The following SERINC2 variants were observed in gnomAD, a reference collection of about 807,000 sequenced individuals.
SERINC2 encodes the protein serine incorporator 2.
Under a neutral mutation model 54.2 loss-of-function variants are expected in SERINC2, and 56 were observed. The observed-to-expected ratio is 1.03, with a 90% CI of 0.83 to 1.29. SERINC2 has a LOEUF of 1.29. Ranked by LOEUF, SERINC2 falls within the 50% of genes most tolerant of loss-of-function variation. The pLI, the probability that SERINC2 is intolerant of heterozygous loss-of-function variation, is 0.00. For synonymous variants in SERINC2, 272 were observed against 253.1 expected (o/e 1.07, Z -0.71); for missense variants, 614 against 607.4 (o/e 1.01, Z -0.12).
In SERINC2 at chr1:31,434,082, G is replaced by A. The variant is rs889884807; in HGVS notation, c.1251G>A (p.Lys417=). 1 of 1,614,026 alleles carries A rather than the reference G, an allele frequency of 6.2e-7. No homozygotes were observed. The highest frequency in any genetic ancestry group is 8.5e-7 in the Non-Finnish European group (1 of 1,179,970). The change falls in exon 10 of 10, where the codon AAG becomes AAA. Residue 417 remains lysine (K), a synonymous_variant. Coordinates refer to ENST00000373709, the MANE Select transcript of SERINC2 (RefSeq NM_178865.5). The part of the protein sequence containing the change: ...TNWYKPGETR[K]MISTWTAVWV... ...GTTCCAGGCCCGGTGAGACCCGGAA[G>A]ATGATCAGCACGTGGACCGCCGTGT...
chr1:31,432,120 TAGGGTGGATAGGGTGGAC>T (rs1641291648), intron 8 of SERINC2, among the ~76,000 whole-genome samples: 13 of 13,242 alleles, frequency 9.8e-4, no homozygotes, highest in East Asian at 4.2e-3. Context: ...ATAGGGTGGT[TAGGGTGGATAGGGTGGAC>T]AGGGTGGACA....
intron 8 of SERINC2, among the ~76,000 whole-genome samples, 161 bp from the exon 9 acceptor site, chr1:31,432,806 T>C (rs1209272852): frequency 6.6e-6 from 1 of 151,904 alleles, no homozygotes; most frequent in Non-Finnish European, 1.5e-5. Context: ...ACACAGAAAA[T>C]GGGAGTGGGG....
At chr1:31,416,328 A>G (rs373029668) in intron 1 of SERINC2, among the ~76,000 whole-genome samples, 15 of 152,328 alleles carry the variant, frequency 9.8e-5, no homozygotes, top group South Asian at 4.1e-4. Flanking sequence ...CTGCCTAACT[A>G]TAGAGCCTGG....
intron 1 of SERINC2, among the ~76,000 whole-genome samples, chr1:31,415,476 CTA>C (rs2148511494): frequency 6.6e-6 from 1 of 152,378 alleles, no homozygotes; most frequent in South Asian, 2.1e-4. Flanking sequence ...TTACAGATAA[CTA>C]TCCCAACACT....
intron 6 of SERINC2, 25 bp from the exon 7 acceptor site, chr1:31,428,953 G>C (rs988636068): frequency 4.5e-5 from 72 of 1,605,690 alleles, no homozygotes; most frequent in Non-Finnish European, 6.1e-5. Context: ...TCTGGCAGGG[G>C]TCTTACCAGG....
chr1:31,411,483 A>T (rs1425881387), upstream of SERINC2, among the ~76,000 whole-genome samples: 4 of 152,140 alleles, frequency 2.6e-5, 1 homozygote, highest in Non-Finnish European at 4.4e-5. Flanking sequence ...GTGGGGCTCA[A>T]ATGGTACCAC....
chr1:31,415,215 C>G (rs145364845), intron 1 of SERINC2, among the ~76,000 whole-genome samples: 1 of 152,334 alleles, frequency 6.6e-6, no homozygotes, highest in Non-Finnish European at 1.5e-5. Flanking sequence ...CACCTTCCCT[C>G]CCTTCCCCAC....
chr1:31,410,193 CTG>C (rs1640624663), upstream of SERINC2: 6 of 1,439,472 alleles, frequency 4.2e-6, no homozygotes, highest in South Asian at 9.1e-5. Flanking sequence ...TAGCTGCTGA[CTG>C]TGACTGTGCT....
chr1:31,417,849 A>ATTTTTT (rs1640815588), intron 1 of SERINC2, among the ~76,000 whole-genome samples: 3 of 65,836 alleles, frequency 4.6e-5, no homozygotes, highest in Admixed American at 2.0e-4. Context: ...TCAAAATTTC[A>ATTTTTT]TTCTTTTTTT....
intron 5 of SERINC2, chr1:31,426,114 G>C: frequency 1.7e-6 from 1 of 595,638 alleles, no homozygotes; most frequent in Non-Finnish European, 2.9e-6. Flanking sequence ...TCCGAGGAGA[G>C]CTGACCTGGA....
chr1:31,417,301 C>G (rs1313127394), intron 1 of SERINC2, among the ~76,000 whole-genome samples: 1 of 152,190 alleles, frequency 6.6e-6, no homozygotes, highest in East Asian at 1.9e-4. Flanking sequence ...CATTCCTCTT[C>G]TTTCGCAATC....
chr1:31,431,633 T>A (rs1427853359), intron 8 of SERINC2, among the ~76,000 whole-genome samples: 1 of 152,202 alleles, frequency 6.6e-6, no homozygotes, highest in Non-Finnish European at 1.5e-5. Context: ...GGGGCACAGG[T>A]CTGTTCTTAG....
intron 1 of SERINC2, among the ~76,000 whole-genome samples, chr1:31,421,024 A>G (rs1640891482): frequency 1.3e-5 from 2 of 152,134 alleles, no homozygotes; most frequent in South Asian, 2.1e-4. Flanking sequence ...ATGGACTAGT[A>G]TCTATCCATG....
chr1:31,413,234 G>C lies in SERINC2; in HGVS notation c.-32G>C, dbSNP rs1553131688. 2 of 1,141,596 alleles carry C rather than the reference G, an allele frequency of 1.8e-6. No individual in the cohort carries two copies. Among genetic ancestry groups the C allele is most frequent in the Non-Finnish European group, 2.1e-6 (2 of 933,050 alleles). The allele number at this position is 1,141,596 out of a possible 1,614,324, so 70.7% of individuals were successfully genotyped here. On this transcript the variant is annotated 5_prime_UTR_variant, in exon 1 of 10. Transcript: ENST00000373709. This position sits in a 1 kb window ranked among gnomAD's most constrained non-coding sequence, Gnocchi z 5.0. ...TCCCGAGGTCCGCGCCCCGCGCCCG[G>C]CGCCGGGCGCCCGAAGCCGGGAGCC...
In SERINC2 at chr1:31,433,188, G is replaced by A. The variant is rs1553135124; in HGVS notation, c.1232+3G>A. 6.2e-7 allele frequency: 1 copy of A among 1,612,760 alleles called. No individual in the cohort carries two copies. ...ATGACGCTCACCAACTGGTACAAGTGCGTAGCTGGTGGGGCATGGACAGAG... is the reference window on the plus strand; with the variant it reads ...ATGACGCTCACCAACTGGTACAAGTACGTAGCTGGTGGGGCATGGACAGAG... On this transcript the variant is annotated splice_donor_region_variant and intron_variant, in intron 9 of 9. Coordinates refer to ENST00000373709, the MANE Select transcript of SERINC2 (RefSeq NM_178865.5).
At chr1:31,410,566 C>T, upstream of SERINC2, 1 of 1,265,074 alleles carries the variant, frequency 7.9e-7, no homozygotes, top group South Asian at 1.5e-5. Flanking sequence ...GAGTGGCTAT[C>T]CCTTTACACA....
At position 31,424,754 on chromosome 1, in the gene SERINC2, G is replaced by A. The variant is rs145139080; in HGVS notation, c.273G>A (p.Leu91=). Residue 91 remains leucine (L), a synonymous_variant, in exon 3 of 10, where the codon CTG becomes CTA. Transcript: ENST00000373709. ...AGGGCCACATCGACTGTGGCTCCCT[G>A]CTTGGCTACCGCGCTGTCTACCGCA... The part of the protein sequence containing the change: ...VLQGHIDCGS[L]LGYRAVYRMC... 1.2e-6 allele frequency: 2 copies of A among 1,611,380 alleles called. No individual in the cohort carries two copies. Among genetic ancestry groups the A allele is most frequent in the East Asian group, 2.2e-5 (1 of 44,740 alleles).
At chr1:31,409,861 G>A, upstream of SERINC2, 1 of 1,554,940 alleles carries the variant, frequency 6.4e-7, no homozygotes. Flanking sequence ...TGGTAAGAGG[G>A]GATGGGGAGA....
chr1:31,428,238 C>G (rs370066085), intron 6 of SERINC2, among the ~76,000 whole-genome samples: 1 of 151,380 alleles, frequency 6.6e-6, no homozygotes, highest in Non-Finnish European at 1.5e-5. Context: ...CAGGGTCTTG[C>G]GATGTTGGCC....
Sources: allele counts gnomAD v4.1 joint callset (sites outside exome capture counted in the v4.1 genomes callset), GRCh38; gene constraint gnomAD v4.1.1; non-coding constraint Gnocchi (gnomAD v3.1); transcripts MANE v1.5; gene names NCBI Gene and HGNC (gene_info 2026-07-23, HGNC 2026-07-21).